RIMKLB: variants seen among roughly 807,000 people sequenced by gnomAD.
RIMKLB encodes the protein ribosomal modification protein rimK like family member B, also known as beta-citrylglutamate synthase B.
In RIMKLB, 7 loss-of-function variants were observed where a neutral mutation model predicts 32.0. The ratio of observed to expected loss-of-function variants is 0.22; its 90% confidence interval spans 0.12 to 0.41. The LOEUF is 0.41. RIMKLB is among the 10% of genes least tolerant of loss of function. The pLI is 1.00. For synonymous variants in RIMKLB, 172 were observed against 185.1 expected (o/e 0.93, Z 0.57); for missense variants, 289 against 498.7 (o/e 0.58, Z 4.00).
chr12:8,729,387 A>ATG (rs1946333877), intron 2 of RIMKLB, among the ~76,000 whole-genome samples: 1 of 151,968 alleles, frequency 6.6e-6, no homozygotes, highest in East Asian at 1.9e-4. Context: ...GTCCAGCCAG[A>ATG]GGTGGCTGGA....
upstream of RIMKLB, among the ~76,000 whole-genome samples, chr12:8,696,592 T>C (rs1024954020): frequency 1.3e-5 from 2 of 152,138 alleles, no homozygotes; most frequent in African/African-American, 4.8e-5. Context: ...CTTTTACAGC[T>C]CAGCAGATAA....
rs1950615635 is a variant in RIMKLB, at chr12:8,774,559, T to C, written c.*775T>C. 1 of 981,802 alleles carries C rather than the reference T, an allele frequency of 1.0e-6. No homozygotes were observed. The highest frequency in any genetic ancestry group is 1.2e-6 in the Non-Finnish European group (1 of 827,124). The allele number at this position is 981,802 out of a possible 1,614,324, so 60.8% of individuals were successfully genotyped here. ...TTTTAGTCTTTTTTGAAAGATGTGC[T>C]CTGTTAATGTTGCTTTTTTTTTTTT... On this transcript the variant is annotated 3_prime_UTR_variant, in exon 6 of 6. Transcript: ENST00000535829.
chr12:8,717,103 ACT>A (rs1320701818), intron 2 of RIMKLB, among the ~76,000 whole-genome samples: 1 of 146,130 alleles, frequency 6.8e-6, no homozygotes, highest in East Asian at 2.0e-4. Flanking sequence ...GTATTATTTA[ACT>A]CTCATATCTT....
chr12:8,698,442 C>T lies in RIMKLB; in HGVS notation c.-57+145C>T, dbSNP rs1943053107. ...GGACCGGCCCGAGCGCGCCCGGGGTCCGGGGCTAGTTGAGGCCGGTGGTCG... is the reference window on the plus strand; with the variant it reads ...GGACCGGCCCGAGCGCGCCCGGGGTTCGGGGCTAGTTGAGGCCGGTGGTCG... On this transcript the variant is annotated intron_variant, in intron 1 of 5. Transcript: ENST00000535829. 5.1e-5 allele frequency: 8 copies of T among 155,710 alleles called. No homozygotes were observed. In the South Asian group the frequency reaches 1.3e-3, roughly 25 times the overall value. The allele number at this position is 155,710 out of a possible 1,614,324, so 9.6% of individuals were successfully genotyped here. A position where few individuals can be genotyped will look rare whatever the true frequency, so the allele number is the denominator to read the frequency against.
intron 1 of RIMKLB, among the ~76,000 whole-genome samples, chr12:8,705,649 CAA>C (rs768060946): frequency 3.3e-5 from 5 of 152,074 alleles, no homozygotes; most frequent in Non-Finnish European, 5.9e-5. Flanking sequence ...GAAATAGACT[CAA>C]TAAGATATGT....
chr12:8,677,849 C>T (rs992578133), upstream of RIMKLB, among the ~76,000 whole-genome samples: 1 of 151,532 alleles, frequency 6.6e-6, no homozygotes, highest in Non-Finnish European at 1.5e-5. Flanking sequence ...ACCTCCTGGG[C>T]TCAGGTGATC....
At chr12:8,721,046 A>G (rs898076142) in intron 2 of RIMKLB, among the ~76,000 whole-genome samples, 8 of 152,240 alleles carry the variant, frequency 5.3e-5, no homozygotes, top group Admixed American at 5.2e-4. Flanking sequence ...ATGGTTTAAA[A>G]AGGAGACTGT....
chr12:8,684,564 G>A (rs371916141), intron 1 of RIMKLB, among the ~76,000 whole-genome samples: 1 of 152,194 alleles, frequency 6.6e-6, no homozygotes, highest in Non-Finnish European at 1.5e-5. Context: ...TTTGTGAAGT[G>A]TGTAAGGTCT....
At position 8,782,471 on chromosome 12, in the gene RIMKLB, A is replaced by G. The variant is rs1346522689; in HGVS notation, c.*298-441A>G. Among the ~76,000 whole-genome samples the G allele has an allele frequency of 2.0e-5, 3 of 152,158 alleles. No individual in the cohort carries two copies. In the East Asian group the frequency reaches 5.8e-4, roughly 29 times the overall value. ...AAGTCACAAAACTTGCAGATTAGAA[A>G]AGGAAGCACATTTTGGCTGTTTTGG... On this transcript the variant is annotated intron_variant, in intron 7 of 7. Coordinates refer to the RIMKLB transcript ENST00000619374.
chr12:8,778,021 T>C (rs778608596), downstream of RIMKLB, among the ~76,000 whole-genome samples: 1 of 152,336 alleles, frequency 6.6e-6, no homozygotes, highest in South Asian at 2.1e-4. Flanking sequence ...GAATTTTGTT[T>C]AGCCATTTAG....
chr12:8,736,116 A>G (rs991323012), intron 2 of RIMKLB, among the ~76,000 whole-genome samples: 2 of 152,094 alleles, frequency 1.3e-5, no homozygotes, highest in Non-Finnish European at 2.9e-5. Context: ...TCTTCCTCAC[A>G]TGGTAGTGTT....
chr12:8,749,060 A>G (rs1205248288), intron 2 of RIMKLB, among the ~76,000 whole-genome samples: 1 of 152,182 alleles, frequency 6.6e-6, no homozygotes, highest in Non-Finnish European at 1.5e-5. Flanking sequence ...TTTTTTCATT[A>G]TAGAGGCATA....
downstream of RIMKLB, chr12:8,777,507 T>G (rs1406033165): frequency 8.7e-7 from 1 of 1,146,602 alleles, no homozygotes; most frequent in Non-Finnish European, 1.1e-6. Context: ...GTTTGGCCTT[T>G]GAAGATCCTT....
chr12:8,776,450 T>A lies in RIMKLB; in HGVS notation c.*2666T>A. The stretch of plus-strand genomic sequence containing the variant: ...ATTTTCATAATTGTTTAATAACTTT[T>A]GTATAATCTTCATTGCTATTATGAG... On this transcript the variant is annotated 3_prime_UTR_variant, in exon 6 of 6. Coordinates refer to ENST00000535829, the MANE Select transcript of RIMKLB (RefSeq NM_001297776.2). 3.6e-6 allele frequency: 3 copies of A among 830,622 alleles called. No individual in the cohort carries two copies. Among genetic ancestry groups the A allele is most frequent in the Non-Finnish European group, 4.4e-6 (3 of 689,220 alleles). 51.5% of individuals were successfully genotyped at this position (830,622 alleles called of 1,614,324 possible).
intron 2 of RIMKLB, among the ~76,000 whole-genome samples, chr12:8,727,900 C>CAAAA (rs112200431): frequency 3.0e-5 from 4 of 135,430 alleles, no homozygotes; most frequent in African/African-American, 8.2e-5. Flanking sequence ...GACATTGTCT[C>CAAAA]AAAAAAAAAA....
At chr12:8,759,927 C>T (rs1033449565) in intron 5 of RIMKLB, among the ~76,000 whole-genome samples, 3 of 152,116 alleles carry the variant, frequency 2.0e-5, no homozygotes, top group African/African-American at 7.2e-5. Context: ...TATCCTGTGC[C>T]ATCTTGGCAT....
intron 1 of RIMKLB, among the ~76,000 whole-genome samples, chr12:8,713,050 A>C (rs1944513695): frequency 6.6e-6 from 1 of 152,198 alleles, no homozygotes; most frequent in African/African-American, 2.4e-5. Flanking sequence ...CTGGAAAAAA[A>C]GTCCTTTTTT....
intron 2 of RIMKLB, among the ~76,000 whole-genome samples, chr12:8,726,244 C>T (rs1210612155): frequency 1.3e-5 from 2 of 152,212 alleles, no homozygotes; most frequent in Non-Finnish European, 2.9e-5. Flanking sequence ...GGATTTTGGC[C>T]AGTAAGATGT....
chr12:8,743,495 A>G, intron 2 of RIMKLB, among the ~76,000 whole-genome samples: 1 of 142,548 alleles, frequency 7.0e-6, no homozygotes, highest in African/African-American at 3.1e-5. Context: ...AACCACTGGT[A>G]CTTACTATTA....
Sources: gnomAD v4.1 joint callset for allele counts (sites outside exome capture counted in the v4.1 genomes callset) on GRCh38, gnomAD v4.1.1 for gene constraint, MANE v1.5 for transcripts, NCBI Gene and HGNC (gene_info 2026-07-23, HGNC 2026-07-21) for gene names.